Variants in SAMD4A observed in about 807,000 individuals in gnomAD.
The protein encoded by SAMD4A is protein Smaug homolog 1.
In SAMD4A, 33 loss-of-function variants were observed where a neutral mutation model predicts 81.3. The observed-to-expected ratio is 0.41, with a 90% confidence interval of 0.31 to 0.54. The LOEUF (loss-of-function observed/expected upper bound fraction) is 0.54. SAMD4A is among the 20% of genes least tolerant of loss of function. The pLI, the probability that SAMD4A is intolerant of heterozygous loss-of-function variation, is 0.37. For missense variants in SAMD4A, 854 were observed against 951.1 expected (o/e 0.90, Z 1.34); for synonymous variants, 389 against 382.1 (o/e 1.02, Z -0.21).
At chr14:54,700,226 A>G (rs2036678639) in intron 2 of SAMD4A, among the ~76,000 whole-genome samples, 1 of 152,086 alleles carries the variant, frequency 6.6e-6, no homozygotes, top group African/African-American at 2.4e-5. Context: ...ACGTTATTTA[A>G]TCCCACAGCA....
intron 7 of SAMD4A, among the ~76,000 whole-genome samples, chr14:54,763,106 C>T (rs575891295): frequency 1.3e-5 from 2 of 152,136 alleles, no homozygotes; most frequent in South Asian, 2.1e-4. Context: ...CTGCCCGCCT[C>T]AGCCTCCCAA....
At chr14:54,781,475 C>A (rs1474017589) in intron 11 of SAMD4A, among the ~76,000 whole-genome samples, 1 of 152,242 alleles carries the variant, frequency 6.6e-6, no homozygotes, top group African/African-American at 2.4e-5. Context: ...TGTCTCAAGT[C>A]AGCCTAGACC....
At chr14:54,772,081 G>A (rs1345498545) in intron 9 of SAMD4A, among the ~76,000 whole-genome samples, 1 of 152,136 alleles carries the variant, frequency 6.6e-6, no homozygotes, top group Non-Finnish European at 1.5e-5. Context: ...TTTCCTCTGG[G>A]ATCTTTTTGT....
chr14:54,679,991 G>T (rs1054540013), intron 2 of SAMD4A, among the ~76,000 whole-genome samples: 1 of 152,224 alleles, frequency 6.6e-6, no homozygotes, highest in African/African-American at 2.4e-5. Flanking sequence ...GGACAGGTGT[G>T]TGCATCAAGA....
chr14:54,742,804 A>G (rs989710540), intron 4 of SAMD4A, among the ~76,000 whole-genome samples: 6 of 152,262 alleles, frequency 3.9e-5, no homozygotes, highest in African/African-American at 1.2e-4. Context: ...GTAGAAAAAG[A>G]AACAACTGGC....
chr14:54,692,875 T>TGCC (rs1306670506), intron 2 of SAMD4A: 5 of 38,584 alleles, frequency 1.3e-4, no homozygotes. Flanking sequence ...AATCACTTAG[T>TGCC]GCCCCCCCCC....
chr14:54,732,854 G>T (rs1262881090), intron 3 of SAMD4A, among the ~76,000 whole-genome samples: 1 of 152,124 alleles, frequency 6.6e-6, no homozygotes. Flanking sequence ...GGTAGTTATA[G>T]TTAATTTTCC....
chr14:54,726,504 A>G (rs1008151210), intron 3 of SAMD4A, among the ~76,000 whole-genome samples: 5 of 152,190 alleles, frequency 3.3e-5, no homozygotes, highest in African/African-American at 1.2e-4. Flanking sequence ...AAGCCCCATG[A>G]AAACAAAACA....
At chr14:54,768,564 C>T (rs4901541) in intron 8 of SAMD4A, among the ~76,000 whole-genome samples, 74,952 of 152,074 alleles carry the variant, frequency 0.49, 19,130 homozygotes, top group East Asian at 0.67. Flanking sequence ...CCTCACACAA[C>T]ATGTGGCTGA....
Position 54,702,564 on chromosome 14 carries a change from AACCAGC to A in SAMD4A, c.702_707del (p.Ser237_Thr238del), listed in dbSNP as rs531805866. 4.6e-5 allele frequency: 74 copies of A among 1,614,062 alleles called. No homozygotes were observed. The East Asian group carries it at 1.5e-3, about 32-fold the overall frequency. On this transcript the variant is annotated inframe_deletion, in exon 3 of 13. Coordinates refer to ENST00000554335, the MANE Select transcript of SAMD4A (RefSeq NM_015589.6). Reference sequence around the variant, plus strand: ...TCCCCACCACAATCAATACGATTGGAACCAGCACAAGTACAAGTAAGTTCCCCGGAA... The same window carrying A: ...TCCCCACCACAATCAATACGATTGGAACAAGTACAAGTAAGTTCCCCGGAA...
chr14:54,589,181 A>C (rs1194504672), intron 2 of SAMD4A, among the ~76,000 whole-genome samples: 1 of 152,234 alleles, frequency 6.6e-6, no homozygotes, highest in African/African-American at 2.4e-5. Context: ...GACAAGAGTT[A>C]CAATGGATAA....
intron 3 of SAMD4A, among the ~76,000 whole-genome samples, chr14:54,727,604 A>C (rs569537973): frequency 6.6e-6 from 1 of 152,196 alleles, no homozygotes; most frequent in African/African-American, 2.4e-5. Context: ...TGAAACAAGA[A>C]AGCAGCGCTT....
chr14:54,758,274 C>G (rs2038298430), intron 6 of SAMD4A, among the ~76,000 whole-genome samples: 1 of 152,116 alleles, frequency 6.6e-6, no homozygotes, highest in Non-Finnish European at 1.5e-5. Context: ...CAAAAAAAAG[C>G]AGGTTCCTGC....
intron 3 of SAMD4A, among the ~76,000 whole-genome samples, chr14:54,726,094 T>C (rs1461031176): frequency 6.6e-6 from 1 of 151,958 alleles, no homozygotes; most frequent in Non-Finnish European, 1.5e-5. Flanking sequence ...TAGAATGCAA[T>C]TTTTTACCAT....
At chr14:54,613,732 A>G (rs2034422616) in intron 2 of SAMD4A, among the ~76,000 whole-genome samples, 1 of 152,172 alleles carries the variant, frequency 6.6e-6, no homozygotes, top group Non-Finnish European at 1.5e-5. Context: ...CTTTTACTCC[A>G]TCGATTACAC....
intron 2 of SAMD4A, among the ~76,000 whole-genome samples, chr14:54,700,487 G>A (rs2036687270): frequency 6.6e-6 from 1 of 152,186 alleles, no homozygotes; most frequent in Non-Finnish European, 1.5e-5. Context: ...GTAGCTTATG[G>A]TCAACAGTGA....
At chr14:54,776,055 A>AAT (rs2038838391) in intron 10 of SAMD4A, among the ~76,000 whole-genome samples, 2 of 151,684 alleles carry the variant, frequency 1.3e-5, no homozygotes, top group African/African-American at 2.4e-5. Context: ...AGAGCCCTGA[A>AAT]ATAGTTTGTG....
Position 54,727,847 on chromosome 14 carries a change from AC to A in SAMD4A, c.716-9175del, listed in dbSNP as rs555781163. Among the ~76,000 whole-genome samples the A allele has an allele frequency of 7.9e-5, 12 of 152,234 alleles. No individual in the cohort carries two copies. The South Asian group carries it at 2.3e-3, about 29-fold the overall frequency. On this transcript the variant is annotated intron_variant, in intron 3 of 12. Coordinates refer to ENST00000554335, the MANE Select transcript of SAMD4A (RefSeq NM_015589.6). Reference sequence around the variant, plus strand: ...ACACACACACAGACACACACGCACTACCTAGTTTGTATAACAGGTGAGGGGG... The same window carrying A: ...ACACACACACAGACACACACGCACTACTAGTTTGTATAACAGGTGAGGGGG...
At chr14:54,671,484 A>G (rs2035878942) in intron 2 of SAMD4A, among the ~76,000 whole-genome samples, 1 of 152,204 alleles carries the variant, frequency 6.6e-6, no homozygotes, top group African/African-American at 2.4e-5. Context: ...TTGTCAAAGG[A>G]CAGGTATAGA....
Sources: allele counts gnomAD v4.1 joint callset (sites outside exome capture counted in the v4.1 genomes callset), GRCh38; gene constraint gnomAD v4.1.1; transcripts MANE v1.5; gene names NCBI Gene and HGNC (gene_info 2026-07-23, HGNC 2026-07-21).